The following DSE variants were observed in gnomAD, a reference collection of about 807,000 sequenced individuals.
DSE encodes dermatan sulfate epimerase, also known as dermatan-sulfate epimerase.
Under a neutral mutation model 84.4 loss-of-function variants are expected in DSE, and 36 were observed. That is an observed-to-expected ratio of 0.43 (90% CI 0.33 to 0.56). The LOEUF is 0.56. DSE is among the 20% of genes least tolerant of loss of function. The probability of loss-of-function intolerance (pLI) is 0.06; values close to 1 mark genes in which losing one functional copy is unlikely to be tolerated. For synonymous variants in DSE, 410 were observed against 430.1 expected (o/e 0.95, Z 0.58); for missense variants, 862 against 1,169.6 (o/e 0.74, Z 3.84).
chr6:116,268,041 G>A (rs773490559), intron 2 of DSE, among the ~76,000 whole-genome samples: 14 of 152,100 alleles, frequency 9.2e-5, no homozygotes, highest in East Asian at 1.9e-4. Context: ...GAGCCAAACC[G>A]TATCAAGTAG....
chr6:116,351,862 T>C (rs1299068335), intron 2 of DSE, among the ~76,000 whole-genome samples: 2 of 152,232 alleles, frequency 1.3e-5, no homozygotes, highest in African/African-American at 2.4e-5. Context: ...CTATGAATAG[T>C]GACAAAGGCC....
chr6:116,382,645 A>G (rs1408710730), intron 1 of DSE, among the ~76,000 whole-genome samples: 2 of 152,206 alleles, frequency 1.3e-5, no homozygotes, highest in Non-Finnish European at 2.9e-5. Context: ...GTCCAAATGT[A>G]TAGGTGACAA....
At chr6:116,422,018 G>A (rs371343729) in intron 2 of DSE, among the ~76,000 whole-genome samples, 33 of 152,210 alleles carry the variant, frequency 2.2e-4, no homozygotes, top group African/African-American at 7.2e-4. Context: ...ATTAATTTCA[G>A]TATAGAATCT....
rs187430945 is a variant in DSE, at chr6:116,300,990, G to A, written c.-54+42023G>A. ...CAGTATTTATAGACAGCAAACTTAG[G>A]GGTGAAATCATCTTACTGTGTTTTT... is the stretch of plus-strand genomic sequence containing the variant. On this transcript the variant is annotated intron_variant, in intron 2 of 3. Coordinates refer to the DSE transcript ENST00000430252. Among the ~76,000 whole-genome samples the A allele has an allele frequency of 1.2e-4, 18 of 152,182 alleles. No homozygotes were observed. In the East Asian group the frequency reaches 3.5e-3, roughly 29 times the overall value.
intron 2 of DSE, among the ~76,000 whole-genome samples, chr6:116,343,149 G>A (rs1777718191): frequency 6.6e-6 from 1 of 152,246 alleles, no homozygotes. Context: ...CCACTAGGAA[G>A]CTCAAACTGG....
chr6:116,287,498 A>T (rs1332133766), intron 2 of DSE, among the ~76,000 whole-genome samples: 1 of 152,098 alleles, frequency 6.6e-6, no homozygotes, highest in African/African-American at 2.4e-5. Flanking sequence ...GGTGATACTT[A>T]AATAATACTT....
At chr6:116,428,877 G>A (rs919595092) in intron 3 of DSE, among the ~76,000 whole-genome samples, 15 of 152,096 alleles carry the variant, frequency 9.9e-5, no homozygotes, top group Non-Finnish European at 1.5e-4. Context: ...CAAGGTATTC[G>A]GGTGGCAGAA....
chr6:116,403,654 T>G (rs1781739759), intron 2 of DSE, among the ~76,000 whole-genome samples: 1 of 151,670 alleles, frequency 6.6e-6, no homozygotes, highest in African/African-American at 2.4e-5. Flanking sequence ...ACTGAGGGGT[T>G]TGGTTGGTTG....
At position 116,437,017 on chromosome 6, in the gene DSE, T is replaced by C. The variant is rs1562315965; in HGVS notation, c.2549T>C (p.Ile850Thr). 2.5e-6 allele frequency: 4 copies of C among 1,613,882 alleles called. No homozygotes were observed. The highest frequency in any genetic ancestry group is 1.3e-5 in the African/African-American group (1 of 74,844). The change falls in exon 6 of 6, where the codon ATA becomes ACA. Residue 850 changes from isoleucine to threonine, a missense_variant. This residue lies in a region of DSE where 315 missense variants were observed against 348.1 expected (regional missense o/e 0.90). Coordinates refer to ENST00000644252, the MANE Select transcript of DSE (RefSeq NM_013352.4). ...AQILAQKELP[I>T]DEDEEMKDLL... ...ATTTTGGCACAGAAAGAACTACCCATAGATGAAGATGAAGAAATGAAAGAC... is the reference window on the plus strand; with the variant it reads ...ATTTTGGCACAGAAAGAACTACCCACAGATGAAGATGAAGAAATGAAAGAC...
chr6:116,276,032 C>CT (rs2114625043), intron 2 of DSE, among the ~76,000 whole-genome samples: 1 of 152,260 alleles, frequency 6.6e-6, no homozygotes, highest in African/African-American at 2.4e-5. Context: ...CTCTTTTTCT[C>CT]TATTTGTGGA....
At chr6:116,303,347 C>A (rs1449466875) in intron 2 of DSE, among the ~76,000 whole-genome samples, 7 of 152,126 alleles carry the variant, frequency 4.6e-5, no homozygotes, top group African/African-American at 1.7e-4. Context: ...ACTCTGCAAT[C>A]CCCATTTGCA....
intron 1 of DSE, chr6:116,258,403 C>T (rs749221942): frequency 1.0e-5 from 7 of 693,960 alleles, no homozygotes; most frequent in Non-Finnish European, 5.3e-6. Flanking sequence ...TTTTTAAAGT[C>T]ATTATAATAA....
intron 2 of DSE, among the ~76,000 whole-genome samples, chr6:116,293,594 A>G (rs1774441738): frequency 6.6e-6 from 1 of 152,178 alleles, no homozygotes; most frequent in Non-Finnish European, 1.5e-5. Flanking sequence ...ATTATGAAGT[A>G]TTGGTTGCTT....
intron 2 of DSE, among the ~76,000 whole-genome samples, chr6:116,274,782 T>C (rs1773048887): frequency 6.6e-6 from 1 of 152,204 alleles, no homozygotes; most frequent in South Asian, 2.1e-4. Context: ...GAAATTTTAC[T>C]CACCTTCTTT....
chr6:116,306,457 T>C (rs1171971956), intron 2 of DSE, among the ~76,000 whole-genome samples: 2 of 152,166 alleles, frequency 1.3e-5, no homozygotes, highest in African/African-American at 4.8e-5. Context: ...GCCTCACTTT[T>C]TGCTTTCTCT....
intron 2 of DSE, among the ~76,000 whole-genome samples, chr6:116,336,326 G>T (rs1328671797): frequency 6.6e-6 from 1 of 152,162 alleles, no homozygotes; most frequent in East Asian, 1.9e-4. Context: ...TTTAGCCAAA[G>T]TCTTGCTCAT....
chr6:116,287,978 G>A (rs926227836), intron 2 of DSE: 1 of 152,024 alleles, frequency 6.6e-6, no homozygotes, highest in Non-Finnish European at 1.5e-5. Flanking sequence ...TATTTAAATT[G>A]AATCACAAAC....
intron 2 of DSE, among the ~76,000 whole-genome samples, chr6:116,323,238 A>G (rs564470370): frequency 6.6e-6 from 1 of 152,274 alleles, no homozygotes; most frequent in Admixed American, 6.5e-5. Context: ...TATTTTTTTC[A>G]GTTGTAGCAA....
chr6:116,417,088 T>C lies in DSE; in HGVS notation c.417-9486T>C, dbSNP rs543168458. ...TATGTAAGTGTATTTTTAACCGTAG[T>C]CTTTAAGCTATGCCATTCTACCAAA... On this transcript the variant is annotated intron_variant, in intron 2 of 5. Transcript: ENST00000644252. 1.8e-4 allele frequency among the ~76,000 whole-genome samples: 27 copies of C among 152,338 alleles called. No homozygotes were observed. In the East Asian group the frequency reaches 5.0e-3, roughly 28 times the overall value.
Sources: gnomAD v4.1 joint callset for allele counts (sites outside exome capture counted in the v4.1 genomes callset) on GRCh38, gnomAD v4.1.1 for gene constraint, gnomAD v4.1.1 regional missense constraint, MANE v1.5 for transcripts, NCBI Gene and HGNC (gene_info 2026-07-23, HGNC 2026-07-21) for gene names.